Variants in MINDY4 observed in about 807,000 individuals in gnomAD.
MINDY4 encodes the protein probable ubiquitin carboxyl-terminal hydrolase MINDY-4.
In MINDY4, 68 loss-of-function variants were observed where a neutral mutation model predicts 87.0. The ratio of observed to expected loss-of-function variants is 0.78; its 90% CI spans 0.64 to 0.96. The LOEUF is 0.96. MINDY4 is among the 40% of genes least tolerant of loss of function. The pLI is 0.00. For synonymous variants in MINDY4, 379 were observed against 363.2 expected (o/e 1.04, Z -0.50); for missense variants, 919 against 928.2 (o/e 0.99, Z 0.13).
Position 30,785,969 on chromosome 7 carries a change from G to A in MINDY4, c.640G>A (p.Gly214Arg). The change falls in exon 4 of 18, where the codon GGG becomes AGG. Residue 214 changes from glycine to arginine, a missense_variant. Gly to Arg is a moderately radical substitution (Grantham distance 125, BLOSUM62 -2). Transcript: ENST00000265299. ...TCTGATTGTGCGAGGCATGATGTCTGGGCCCATCGCCAGCTCCCCACAGGT... is the reference window on the plus strand; with the variant it reads ...TCTGATTGTGCGAGGCATGATGTCTAGGCCCATCGCCAGCTCCCCACAGGT... ...SGLIVRGMMS[G>R]PIASSPQDSF... 2 of 1,614,188 alleles carry A rather than the reference G, an allele frequency of 1.2e-6. No homozygotes were observed. The highest frequency in any genetic ancestry group is 1.7e-6 in the Non-Finnish European group (2 of 1,180,040).
intron 13 of MINDY4, among the ~76,000 whole-genome samples, chr7:30,867,887 C>T (rs1305531161): frequency 6.6e-6 from 1 of 152,180 alleles, no homozygotes; most frequent in Non-Finnish European, 1.5e-5. Flanking sequence ...ATGGACCAGG[C>T]ACACTTGTGC....
chr7:30,783,736 A>T (rs1021770584), intron 3 of MINDY4, among the ~76,000 whole-genome samples: 1 of 152,214 alleles, frequency 6.6e-6, no homozygotes, highest in Non-Finnish European at 1.5e-5. Context: ...TGTGATGAAG[A>T]GTAGTTACAA....
intron 15 of MINDY4, among the ~76,000 whole-genome samples, chr7:30,880,097 G>C (rs893646541): frequency 1.8e-4 from 27 of 152,314 alleles, no homozygotes; most frequent in African/African-American, 6.5e-4. Flanking sequence ...CCCCATTGCT[G>C]TTCCTTAGAA....
intron 5 of MINDY4, among the ~76,000 whole-genome samples, chr7:30,800,694 A>C (rs909678395): frequency 6.6e-6 from 1 of 152,216 alleles, no homozygotes; most frequent in African/African-American, 2.4e-5. Context: ...AACCAGTAAC[A>C]TTGGAGAAGG....
chr7:30,863,416 A>G (rs182146940), intron 13 of MINDY4, among the ~76,000 whole-genome samples: 1 of 152,090 alleles, frequency 6.6e-6, no homozygotes, highest in African/African-American at 2.4e-5. Context: ...GTGAGATGAC[A>G]TGGGTGTTGG....
chr7:30,834,721 C>T (rs1304405507), intron 6 of MINDY4, among the ~76,000 whole-genome samples: 1 of 152,212 alleles, frequency 6.6e-6, no homozygotes, highest in Non-Finnish European at 1.5e-5. Context: ...ATGCCTTTAA[C>T]AGCACTCAAG....
intron 5 of MINDY4, 21 bp from the exon 6 acceptor site, chr7:30,828,658 T>G: frequency 6.2e-7 from 1 of 1,613,230 alleles, no homozygotes; most frequent in Non-Finnish European, 8.5e-7. Context: ...CTCTGGTACA[T>G]TGATATTTTC....
chr7:30,820,152 C>T (rs564145040), intron 5 of MINDY4, among the ~76,000 whole-genome samples: 192 of 151,982 alleles, frequency 1.3e-3, no homozygotes, highest in African/African-American at 4.1e-3. Context: ...CCGCCCGCCT[C>T]GGCCTCCCAA....
chr7:30,859,105 C>A (rs1351426902), intron 12 of MINDY4, 152 bp from the exon 13 acceptor site: 2 of 745,240 alleles, frequency 2.7e-6, no homozygotes, highest in Non-Finnish European at 2.4e-6. Flanking sequence ...TTTAGGAGGT[C>A]AGCCTTCGGG....
intron 4 of MINDY4, among the ~76,000 whole-genome samples, chr7:30,787,227 TC>T (rs1404243477): frequency 6.6e-6 from 1 of 152,098 alleles, no homozygotes; most frequent in African/African-American, 2.4e-5. Flanking sequence ...AGTCTTGGGG[TC>T]CAGATCAAGG....
chr7:30,834,734 G>A lies in MINDY4; in HGVS notation c.1133-1924G>A, dbSNP rs565409817. On this transcript the variant is annotated intron_variant, in intron 6 of 17. Coordinates refer to ENST00000265299, the MANE Select transcript of MINDY4 (RefSeq NM_032222.3). ...GGATGCCTTTAACAGCACTCAAGTCGCCTCTTGAATGCTTTGCTGCTTAGA... is the reference window on the plus strand; with the variant it reads ...GGATGCCTTTAACAGCACTCAAGTCACCTCTTGAATGCTTTGCTGCTTAGA... Among the ~76,000 whole-genome samples the A allele has an allele frequency of 2.7e-3, 408 of 152,158 alleles. 4 individuals are homozygous for A. The highest frequency in any genetic ancestry group is 9.4e-3 in the African/African-American group (392 of 41,500).
chr7:30,800,562 G>T (rs1463623138), intron 5 of MINDY4, among the ~76,000 whole-genome samples: 1 of 152,040 alleles, frequency 6.6e-6, no homozygotes, highest in East Asian at 1.9e-4. Context: ...GTGTAATTGG[G>T]TGCTAAATTG....
Position 30,840,854 on chromosome 7 carries a change from T to G in MINDY4, c.1445+6T>G, listed in dbSNP as rs765731673. ...AGCAAAGCCGACTGTGCTCAGTAAG[T>G]CAGTGCTCTTTCTGGCAATATCTTA... On this transcript the variant is annotated splice_donor_region_variant and intron_variant, in intron 9 of 17. Transcript: ENST00000265299. The G allele has an allele frequency of 5.0e-6, 8 of 1,611,546 alleles. No individual in the cohort carries two copies. In the Admixed American group the frequency reaches 1.3e-4, roughly 27 times the overall value.
chr7:30,791,668 A>G (rs1416391570), intron 5 of MINDY4, 94 bp downstream of exon 5: 9 of 1,325,852 alleles, frequency 6.8e-6, no homozygotes, highest in Non-Finnish European at 9.2e-6. Context: ...GGAACTTCTT[A>G]GTCTCCTTGG....
At chr7:30,839,785 G>A (rs1031093776) in intron 8 of MINDY4, among the ~76,000 whole-genome samples, 3 of 152,176 alleles carry the variant, frequency 2.0e-5, no homozygotes, top group Admixed American at 6.5e-5. Context: ...GAGGGATCAA[G>A]TGTGCAGAGC....
intron 15 of MINDY4, among the ~76,000 whole-genome samples, chr7:30,881,968 C>T (rs538298412): frequency 6.6e-6 from 1 of 152,024 alleles, no homozygotes; most frequent in African/African-American, 2.4e-5. Context: ...TGGCAGAGGC[C>T]CTGCGAGCAG....
At chr7:30,867,203 C>T (rs142926471) in intron 13 of MINDY4, among the ~76,000 whole-genome samples, 1 of 152,294 alleles carries the variant, frequency 6.6e-6, no homozygotes, top group East Asian at 1.9e-4. Context: ...CCCTCTTGGC[C>T]ATCCTGGGAA....
intron 5 of MINDY4, among the ~76,000 whole-genome samples, chr7:30,825,623 G>A (rs1788476737): frequency 6.6e-6 from 1 of 152,206 alleles, no homozygotes; most frequent in Admixed American, 6.5e-5. Context: ...TTTGAATCCT[G>A]ACTCTGGCAC....
chr7:30,809,885 A>G (rs1787931212), intron 5 of MINDY4, among the ~76,000 whole-genome samples: 1 of 152,176 alleles, frequency 6.6e-6, no homozygotes, highest in South Asian at 2.1e-4. Flanking sequence ...GTCTAAAGAA[A>G]GAAATGTTTA....
Sources: gnomAD v4.1 joint callset for allele counts (sites outside exome capture counted in the v4.1 genomes callset) on GRCh38, gnomAD v4.1.1 for gene constraint, MANE v1.5 for transcripts, NCBI Gene and HGNC (gene_info 2026-07-23, HGNC 2026-07-21) for gene names.